CATSPERD: variants seen among roughly 807,000 people sequenced by gnomAD.
The protein encoded by CATSPERD is catsper channel auxiliary subunit delta.
A neutral mutation model predicts 98.1 loss-of-function variants in CATSPERD; 86 were observed. The observed-to-expected ratio is 0.88, with a 90% CI of 0.74 to 1.05. The LOEUF is 1.05. CATSPERD is among the 50% of genes least tolerant of loss of function. CATSPERD has a pLI of 0.00. For synonymous variants in CATSPERD, 394 were observed against 390.2 expected, an observed-to-expected ratio of 1.01 and a Z score of -0.12; for missense variants, 995 against 1,005.7, an observed-to-expected ratio of 0.99 and a Z score of 0.14.
intron 21 of CATSPERD, among the ~76,000 whole-genome samples, chr19:5,777,170 T>A (rs1280247337): frequency 1.3e-5 from 2 of 152,000 alleles, no homozygotes; most frequent in Non-Finnish European, 2.9e-5. Flanking sequence ...ACTTATCACC[T>A]GTCCTCTCCA....
At chr19:5,754,692 C>T (rs1305088887) in intron 13 of CATSPERD, among the ~76,000 whole-genome samples, 1 of 149,722 alleles carries the variant, frequency 6.7e-6, no homozygotes, top group South Asian at 2.1e-4. Context: ...GCCACCATGC[C>T]CAGCCATTTC....
intron 4 of CATSPERD, among the ~76,000 whole-genome samples, chr19:5,733,129 G>A (rs947545744): frequency 9.9e-5 from 15 of 151,722 alleles, no homozygotes; most frequent in African/African-American, 3.4e-4. Context: ...GAGTAGCTGG[G>A]ACTATAGGCA....
At position 5,762,533 on chromosome 19, in the gene CATSPERD, T is replaced by C. The variant is rs555809879; in HGVS notation, c.1428-682T>C. 7.9e-5 allele frequency among the ~76,000 whole-genome samples: 12 copies of C among 152,066 alleles called. No individual in the cohort carries two copies. In the South Asian group the frequency reaches 2.3e-3, roughly 29 times the overall value. On this transcript the variant is annotated intron_variant, in intron 15 of 21. Transcript: ENST00000381624. ...GGTGGGGACATAGAACCAAACCATATCAGAAGGATAAATGGGTAGACAGAT... is the reference window on the plus strand; with the variant it reads ...GGTGGGGACATAGAACCAAACCATACCAGAAGGATAAATGGGTAGACAGAT...
chr19:5,766,238 G>A, intron 17 of CATSPERD, 83 bp downstream of exon 17: 2 of 1,137,062 alleles, frequency 1.8e-6, no homozygotes, highest in Non-Finnish European at 2.5e-6. Context: ...ATCACTTCAG[G>A]TCAGGAGTTC....
chr19:5,760,984 G>A (rs942487237), intron 15 of CATSPERD, among the ~76,000 whole-genome samples: 12 of 151,302 alleles, frequency 7.9e-5, no homozygotes, highest in African/African-American at 2.9e-4. Context: ...GCCTTCTATC[G>A]AGTTTTCACT....
At chr19:5,775,648 CAAA>C (rs1156270373) in intron 20 of CATSPERD, among the ~76,000 whole-genome samples, 7 of 61,480 alleles carry the variant, frequency 1.1e-4, no homozygotes, top group African/African-American at 2.7e-4. Context: ...AACCCCATCT[CAAA>C]AAAAAAAAAA....
intron 12 of CATSPERD, chr19:5,753,676 C>T (rs1045878873): frequency 1.9e-5 from 6 of 320,202 alleles, no homozygotes; most frequent in Admixed American, 1.2e-4. Context: ...TTGGGACCAG[C>T]GTGGCAACAT....
chr19:5,721,291 C>T (rs979962131), intron 1 of CATSPERD, among the ~76,000 whole-genome samples: 1 of 152,084 alleles, frequency 6.6e-6, no homozygotes, highest in Non-Finnish European at 1.5e-5. Flanking sequence ...CGTGAGCCAC[C>T]ACGCCGGGCC....
intron 3 of CATSPERD, among the ~76,000 whole-genome samples, chr19:5,728,636 A>T (rs1053759027): frequency 6.6e-6 from 1 of 151,594 alleles, no homozygotes; most frequent in Non-Finnish European, 1.5e-5. Flanking sequence ...AGGCAGGAGG[A>T]TCACTTGAGC....
chr19:5,731,840 G>T (rs1388596221), intron 4 of CATSPERD, among the ~76,000 whole-genome samples: 1 of 152,082 alleles, frequency 6.6e-6, no homozygotes, highest in South Asian at 2.1e-4. Context: ...CTCCCAAAGA[G>T]CTGGGATTAC....
intron 19 of CATSPERD, chr19:5,772,214 A>ATTGTTTT (rs2056660169): frequency 6.9e-6 from 1 of 145,112 alleles, no homozygotes; most frequent in Non-Finnish European, 1.3e-5. Context: ...TGCCCGGTTA[A>ATTGTTTT]TTTTTTTTTT....
At chr19:5,758,734 C>G (rs532592443) in intron 14 of CATSPERD, among the ~76,000 whole-genome samples, 1 of 150,646 alleles carries the variant, frequency 6.6e-6, no homozygotes, top group South Asian at 2.1e-4. Context: ...CAGAGCGAGA[C>G]TCAGTCTTAA....
chr19:5,750,021 C>G (rs1452661922), intron 11 of CATSPERD, among the ~76,000 whole-genome samples: 2 of 151,344 alleles, frequency 1.3e-5, no homozygotes, highest in African/African-American at 4.8e-5. Flanking sequence ...CCAGGCTGGT[C>G]TTCAACTCCT....
chr19:5,770,866 G>A, intron 18 of CATSPERD, 78 bp from the exon 19 acceptor site: 1 of 1,516,372 alleles, frequency 6.6e-7, no homozygotes, highest in East Asian at 2.3e-5. Flanking sequence ...TTGCAAAAAA[G>A]AAACTGCGGC....
intron 18 of CATSPERD, among the ~76,000 whole-genome samples, chr19:5,769,953 G>A (rs1239082010): frequency 6.6e-6 from 1 of 151,954 alleles, no homozygotes; most frequent in Non-Finnish European, 1.5e-5. Flanking sequence ...GCCAGGCGTG[G>A]TGGCACATGC....
rs1273645793 is a variant in CATSPERD, at chr19:5,747,240, G to A, written c.809-920G>A. 7.4e-5 allele frequency among the ~76,000 whole-genome samples: 10 copies of A among 134,644 alleles called. No homozygotes were observed. The East Asian group carries it at 1.1e-3, about 15-fold the overall frequency. 88.3% of individuals were successfully genotyped at this position (134,644 alleles called of 152,430 possible). A position where few individuals can be genotyped will look rare whatever the true frequency, so the allele number is the denominator to read the frequency against. ...GAGACTGGAGTGCAATGGTGCAATC[G>A]TGGCTCACTGCAGCCTCCCCACCTC... On this transcript the variant is annotated intron_variant, in intron 9 of 21. Transcript: ENST00000381624.
chr19:5,777,979 C>T (rs951982158), intron 21 of CATSPERD, among the ~76,000 whole-genome samples: 33 of 151,854 alleles, frequency 2.2e-4, no homozygotes, highest in Non-Finnish European at 4.3e-4. Flanking sequence ...GAGGCAGAGG[C>T]GGGCGGATCA....
intron 16 of CATSPERD, among the ~76,000 whole-genome samples, chr19:5,765,317 A>T (rs1484440641): frequency 6.6e-6 from 1 of 152,146 alleles, no homozygotes; most frequent in Admixed American, 6.6e-5. Context: ...GCAGTTTGAG[A>T]AGCATGTCCC....
intron 14 of CATSPERD, 123 bp downstream of exon 14, chr19:5,758,055 G>A (rs1449354620): frequency 1.4e-6 from 1 of 709,888 alleles, no homozygotes; most frequent in Non-Finnish European, 2.2e-6. Context: ...GTGCCCCGCG[G>A]TGGGAAGATG....
Sources: gnomAD v4.1 joint callset for allele counts (sites outside exome capture counted in the v4.1 genomes callset) on GRCh38, gnomAD v4.1.1 for gene constraint, MANE v1.5 for transcripts, NCBI Gene and HGNC (gene_info 2026-07-23, HGNC 2026-07-21) for gene names.